The following HIBADH variants were observed in gnomAD, a reference collection of about 807,000 sequenced individuals.
The protein encoded by HIBADH is 3-hydroxyisobutyrate dehydrogenase.
Under a neutral mutation model 36.1 loss-of-function variants are expected in HIBADH, and 25 were observed. The ratio of observed to expected loss-of-function variants is 0.69; its 90% CI spans 0.50 to 0.97. HIBADH has a LOEUF of 0.97. HIBADH is among the 50% of genes least tolerant of loss of function. The probability of loss-of-function intolerance (pLI) is 0.00; values close to 1 mark genes in which losing one functional copy is unlikely to be tolerated. For synonymous variants in HIBADH, 160 were observed against 149.5 expected, an observed-to-expected ratio of 1.07 and a Z score of -0.51; for missense variants, 421 against 418.0, an observed-to-expected ratio of 1.01 and a Z score of -0.06.
rs1324041386 is a variant in HIBADH, at chr7:27,535,013, T to C, written c.695+3328A>G. Among the ~76,000 whole-genome samples, 9 of 147,962 alleles carry C rather than the reference T, an allele frequency of 6.1e-5. No homozygotes were observed. The East Asian group carries it at 6.3e-4, about 10-fold the overall frequency. ...CAAATGCCATCGTACTGGCTAGTAG[T>C]TGACTATTAAGTAGGTGGTAAACTT... On this transcript the variant is annotated intron_variant, in intron 6 of 7. Coordinates refer to ENST00000265395, the MANE Select transcript of HIBADH (RefSeq NM_152740.4).
chr7:27,643,922 C>G (rs1786006782), intron 2 of HIBADH, among the ~76,000 whole-genome samples: 1 of 152,206 alleles, frequency 6.6e-6, no homozygotes, highest in Non-Finnish European at 1.5e-5. Flanking sequence ...GGTAAGGACA[C>G]TTGTCATTAG....
intron 4 of HIBADH, among the ~76,000 whole-genome samples, chr7:27,611,004 T>C (rs936091215): frequency 6.6e-6 from 1 of 152,214 alleles, no homozygotes; most frequent in Non-Finnish European, 1.5e-5. Flanking sequence ...CCTACCTCTC[T>C]AAGAGAAATT....
intron 4 of HIBADH, among the ~76,000 whole-genome samples, chr7:27,570,118 G>C (rs940316199): frequency 1.3e-5 from 2 of 152,210 alleles, no homozygotes; most frequent in Admixed American, 6.5e-5. Context: ...CTCATTGCCA[G>C]AGCTTTTGTA....
At chr7:27,569,340 A>G (rs1373164916) in intron 4 of HIBADH, among the ~76,000 whole-genome samples, 1 of 152,192 alleles carries the variant, frequency 6.6e-6, no homozygotes, top group Non-Finnish European at 1.5e-5. Flanking sequence ...AGACTTAATC[A>G]GACTTTCCTG....
chr7:27,572,892 A>AAAGTT (rs1784648966), intron 4 of HIBADH, among the ~76,000 whole-genome samples: 1 of 152,184 alleles, frequency 6.6e-6, no homozygotes. Flanking sequence ...TTGTCATACA[A>AAAGTT]AAGTTAAAAT....
At chr7:27,658,562 A>G (rs76569776) in intron 1 of HIBADH, among the ~76,000 whole-genome samples, 1,635 of 152,318 alleles carry the variant, frequency 0.011, 26 homozygotes, top group African/African-American at 0.037. Context: ...AATTGGTAAC[A>G]AGTTAATTAT....
At chr7:27,641,025 G>T (rs2110524) in intron 2 of HIBADH, among the ~76,000 whole-genome samples, 145,723 of 152,176 alleles carry the variant, frequency 0.96, 69,832 homozygotes, top group East Asian at 1. Context: ...CACCTGGAAC[G>T]GCAGGTGGCC....
At chr7:27,542,777 A>C (rs1453457336) in intron 5 of HIBADH, among the ~76,000 whole-genome samples, 190 bp downstream of exon 5, 3 of 152,074 alleles carry the variant, frequency 2.0e-5, no homozygotes, top group Admixed American at 2.0e-4. Context: ...TTAAATAAGT[A>C]AATTGGCTGA....
chr7:27,653,990 G>A (rs1202555929), intron 1 of HIBADH, among the ~76,000 whole-genome samples: 7 of 152,020 alleles, frequency 4.6e-5, no homozygotes, highest in African/African-American at 1.2e-4. Context: ...AAACAAGGAC[G>A]TTAAAAATTA....
At position 27,629,491 on chromosome 7, in the gene HIBADH, T is replaced by G. The variant is rs1470332435; in HGVS notation, c.364A>C (p.Lys122Gln). Residue 122 changes from lysine (K) to glutamine (Q), a missense_variant and splice_region_variant, in exon 4 of 8, where the codon AAA (lysine) becomes CAA (glutamine). Transcript: ENST00000265395. ...ATTAATAATGAGCCCTTCTTCACTT[T>G]TCTAAGTAAATAAATAAAAATATTT... is the stretch of plus-strand genomic sequence containing the variant. Reference protein sequence around the residue: ...AYSGANGILKKVKKGSLLIDS... With the variant: ...AYSGANGILKQVKKGSLLIDS... 1 of 1,556,086 alleles carries G rather than the reference T, an allele frequency of 6.4e-7. No individual in the cohort carries two copies. The highest frequency in any genetic ancestry group is 8.7e-7 in the Non-Finnish European group (1 of 1,149,564).
At chr7:27,598,666 T>C (rs778448404) in intron 4 of HIBADH, among the ~76,000 whole-genome samples, 4 of 152,154 alleles carry the variant, frequency 2.6e-5, no homozygotes, top group Non-Finnish European at 4.4e-5. Flanking sequence ...CAACTCCATC[T>C]GCCACAACAA....
intron 1 of HIBADH, among the ~76,000 whole-genome samples, chr7:27,659,774 C>T (rs1188671770): frequency 1.3e-5 from 2 of 151,976 alleles, no homozygotes; most frequent in South Asian, 2.1e-4. Flanking sequence ...TAAGATGTGG[C>T]AGGCTGGGCA....
intron 4 of HIBADH, among the ~76,000 whole-genome samples, chr7:27,580,069 A>T (rs1784767364): frequency 6.6e-6 from 1 of 152,234 alleles, no homozygotes; most frequent in African/African-American, 2.4e-5. Context: ...GAACTAAATT[A>T]AAATACATGT....
Position 27,642,089 on chromosome 7 carries a change from C to T in HIBADH, c.252+7384G>A, listed in dbSNP as rs183479407. ...TTATTCACTAATCTGGGAGGAGCAC[C>T]GACCCAGAACCCACCTTCTTTCCTT... On this transcript the variant is annotated intron_variant, in intron 2 of 7. Transcript: ENST00000265395. 1.9e-3 allele frequency among the ~76,000 whole-genome samples: 286 copies of T among 152,240 alleles called. 1 individual carries two copies. The highest frequency in any genetic ancestry group is 6.5e-3 in the African/African-American group (270 of 41,534).
At chr7:27,541,346 T>A (rs1490038779) in intron 5 of HIBADH, among the ~76,000 whole-genome samples, 3 of 152,188 alleles carry the variant, frequency 2.0e-5, no homozygotes, top group Admixed American at 2.0e-4. Context: ...GGCATTAAAT[T>A]CTCCAGCTTT....
At chr7:27,562,976 G>A (rs1784489575) in intron 4 of HIBADH, among the ~76,000 whole-genome samples, 2 of 151,988 alleles carry the variant, frequency 1.3e-5, no homozygotes, top group South Asian at 4.1e-4. Context: ...ACAAGTTTTA[G>A]CAAGTATACA....
chr7:27,534,103 C>G (rs1388782682), intron 6 of HIBADH, among the ~76,000 whole-genome samples: 1 of 152,160 alleles, frequency 6.6e-6, no homozygotes, highest in Non-Finnish European at 1.5e-5. Flanking sequence ...CAAATCTACT[C>G]ACCTCTAAAA....
chr7:27,612,632 T>C (rs1226601355), intron 4 of HIBADH, among the ~76,000 whole-genome samples: 1 of 151,554 alleles, frequency 6.6e-6, no homozygotes. Flanking sequence ...CTGTAATCTC[T>C]TTCTAAAAGT....
intron 4 of HIBADH, among the ~76,000 whole-genome samples, chr7:27,572,907 A>C (rs1372762360): frequency 1.3e-5 from 2 of 152,190 alleles, no homozygotes; most frequent in Non-Finnish European, 2.9e-5. Context: ...TAAAATGTTC[A>C]AAATTCCAAG....
Sources: gnomAD v4.1 joint callset for allele counts (sites outside exome capture counted in the v4.1 genomes callset) on GRCh38, gnomAD v4.1.1 for gene constraint, MANE v1.5 for transcripts, NCBI Gene and HGNC (gene_info 2026-07-23, HGNC 2026-07-21) for gene names.